MOSMO: variants seen among roughly 807,000 people sequenced by gnomAD.
MOSMO encodes modulator of smoothened protein.
MOSMO carries 5 observed loss-of-function variants against 18.4 expected under a neutral mutation model. The observed-to-expected ratio is 0.27, with a 90% CI of 0.14 to 0.57. The LOEUF (loss-of-function observed/expected upper bound fraction) is 0.57. Among genes scored for constraint, MOSMO ranks in the 20% least tolerant of loss-of-function variants. The probability of loss-of-function intolerance (pLI) is 0.92; values close to 1 mark genes in which losing one functional copy is unlikely to be tolerated. For synonymous variants in MOSMO, 82 were observed against 82.3 expected (o/e 1.00, Z 0.02); for missense variants, 138 against 211.8 (o/e 0.65, Z 2.16).
chr16:22,009,347 T>C (rs1899467145), intron 1 of MOSMO, among the ~76,000 whole-genome samples: 1 of 152,096 alleles, frequency 6.6e-6, no homozygotes, highest in Admixed American at 6.5e-5. Flanking sequence ...ACCACGGAGC[T>C]GTGGGCGGGA....
chr16:22,021,698 G>A (rs574391524), intron 1 of MOSMO, among the ~76,000 whole-genome samples: 57 of 152,054 alleles, frequency 3.7e-4, no homozygotes, highest in African/African-American at 1.2e-3. Context: ...CTCAGGAGGC[G>A]TAGGTGGGAG....
At chr16:22,014,298 G>A (rs1250916209) in intron 1 of MOSMO, among the ~76,000 whole-genome samples, 5 of 152,096 alleles carry the variant, frequency 3.3e-5, no homozygotes, top group South Asian at 2.1e-4. Context: ...CCTCTCCCCC[G>A]GTCTCCATTG....
chr16:22,041,510 C>T lies in MOSMO; in HGVS notation c.106+33103C>T, dbSNP rs1033375889. Among the ~76,000 whole-genome samples, 5 of 152,136 alleles carry T rather than the reference C, an allele frequency of 3.3e-5. No homozygotes were observed. In the South Asian group the frequency reaches 1.0e-3, roughly 31 times the overall value. ...CAACCCCCAACCTGCACCCAGGTTA[C>T]AACTGTAGTTAAGTATTTAGACCGT... On this transcript the variant is annotated intron_variant, in intron 1 of 2. Coordinates refer to ENST00000542527, the MANE Select transcript of MOSMO (RefSeq NM_001164579.2).
At chr16:22,061,471 G>T (rs1404261094) in intron 1 of MOSMO, among the ~76,000 whole-genome samples, 1 of 152,130 alleles carries the variant, frequency 6.6e-6, no homozygotes, top group Non-Finnish European at 1.5e-5. Flanking sequence ...CAATTCCCTT[G>T]GCATTAACTC....
At chr16:22,086,286 G>C (rs1901173960), downstream of MOSMO, 1 of 152,074 alleles carries the variant, frequency 6.6e-6, no homozygotes, top group African/African-American at 2.4e-5. Flanking sequence ...CTTTAGCATA[G>C]CTTTGACAAG....
chr16:22,045,511 G>A (rs2141736462), intron 1 of MOSMO, among the ~76,000 whole-genome samples: 1 of 152,194 alleles, frequency 6.6e-6, no homozygotes, highest in East Asian at 1.9e-4. Flanking sequence ...ATAAAAATTT[G>A]CTTTTTGCAT....
At chr16:22,015,119 A>G (rs748126792) in intron 1 of MOSMO, among the ~76,000 whole-genome samples, 2 of 152,110 alleles carry the variant, frequency 1.3e-5, no homozygotes, top group Non-Finnish European at 2.9e-5. Context: ...TTAGCCTCCT[A>G]GGCAACCCCT....
At chr16:22,080,630 A>G (rs1901060316) in intron 2 of MOSMO, 66 bp from the exon 3 acceptor site, 1 of 1,133,500 alleles carries the variant, frequency 8.8e-7, no homozygotes, top group Non-Finnish European at 1.1e-6. Flanking sequence ...CTTTGTGCCA[A>G]ATTTTCATTG....
At chr16:22,050,217 TCTAAAG>T (rs907107205) in intron 1 of MOSMO, among the ~76,000 whole-genome samples, 1 of 152,314 alleles carries the variant, frequency 6.6e-6, no homozygotes, top group African/African-American at 2.4e-5. Context: ...CTTAAGCTAT[TCTAAAG>T]CTAGAGACAG....
At chr16:22,024,174 A>G (rs1306163704) in intron 1 of MOSMO, among the ~76,000 whole-genome samples, 1 of 151,882 alleles carries the variant, frequency 6.6e-6, no homozygotes, top group African/African-American at 2.4e-5. Flanking sequence ...TCTTTGGTAT[A>G]TTATATTGGT....
At chr16:22,072,897 AGCT>A (rs1290208412) in intron 1 of MOSMO, among the ~76,000 whole-genome samples, 7 of 152,084 alleles carry the variant, frequency 4.6e-5, no homozygotes, top group South Asian at 2.1e-4. Context: ...TCTAGAATAG[AGCT>A]GCTATTTGGT....
intron 1 of MOSMO, among the ~76,000 whole-genome samples, chr16:22,019,493 C>G (rs149954058): frequency 6.6e-6 from 1 of 152,164 alleles, no homozygotes; most frequent in Non-Finnish European, 1.5e-5. Flanking sequence ...ATATCTGTGT[C>G]ATGGTTATTT....
intron 1 of MOSMO, among the ~76,000 whole-genome samples, chr16:22,009,804 C>CAAAAAAAAAAAAAAAAAAAAA (rs56313303): frequency 5.6e-5 from 2 of 35,962 alleles, no homozygotes; most frequent in African/African-American, 2.6e-4. Flanking sequence ...ACTAAAAATA[C>CAAAAAAAAAAAAAAAAAAAAA]AAAAAAAAAA....
intron 1 of MOSMO, among the ~76,000 whole-genome samples, chr16:22,030,592 A>G (rs1211702942): frequency 6.6e-6 from 1 of 152,184 alleles, no homozygotes; most frequent in East Asian, 1.9e-4. Flanking sequence ...GCTGGATTGA[A>G]GTGGCGCAAT....
In MOSMO at chr16:22,040,267, C is replaced by T. The variant is rs576667025; in HGVS notation, c.106+31860C>T. 2.0e-5 allele frequency among the ~76,000 whole-genome samples: 3 copies of T among 152,116 alleles called. 1 individual carries two copies. Among genetic ancestry groups the T allele is most frequent in the African/African-American group, 4.8e-5 (2 of 41,482 alleles). ...GGAACAACACACACTAGGGCCTATC[C>T]GAGGGTGGAAGAAGGGAGAGGATCA... On this transcript the variant is annotated intron_variant, in intron 1 of 2. Coordinates refer to ENST00000542527, the MANE Select transcript of MOSMO (RefSeq NM_001164579.2).
intron 1 of MOSMO, among the ~76,000 whole-genome samples, chr16:22,060,881 GAAA>G (rs375795072): frequency 2.3e-5 from 3 of 130,192 alleles, no homozygotes; most frequent in African/African-American, 8.4e-5. Flanking sequence ...CTCAAAAAAA[GAAA>G]AAAAAAAAAG....
At chr16:22,011,932 TAAAAAA>T (rs535652740) in intron 1 of MOSMO, among the ~76,000 whole-genome samples, 2 of 120,564 alleles carry the variant, frequency 1.7e-5, no homozygotes, top group African/African-American at 3.1e-5. Context: ...AGTCCTGAGT[TAAAAAA>T]AAAAAAAAAA....
chr16:22,071,349 C>G (rs958941984), intron 1 of MOSMO, among the ~76,000 whole-genome samples: 1 of 152,192 alleles, frequency 6.6e-6, no homozygotes, highest in Non-Finnish European at 1.5e-5. Flanking sequence ...TGGGAAAACG[C>G]TCTCTCTGGC....
At chr16:22,084,656 G>T (rs896265673), downstream of MOSMO, 1 of 152,046 alleles carries the variant, frequency 6.6e-6, no homozygotes, top group African/African-American at 2.4e-5. Context: ...AACTAAAAAG[G>T]CTTCTATTAC....
Sources: gnomAD v4.1 joint callset for allele counts (sites outside exome capture counted in the v4.1 genomes callset) on GRCh38, gnomAD v4.1.1 for gene constraint, MANE v1.5 for transcripts, NCBI Gene and HGNC (gene_info 2026-07-23, HGNC 2026-07-21) for gene names.